UFSP2: variants seen among roughly 807,000 people sequenced by gnomAD.
The protein encoded by UFSP2 is UFM1 specific peptidase 2.
Under a neutral mutation model 60.2 loss-of-function variants are expected in UFSP2, and 43 were observed. The observed-to-expected ratio is 0.71, with a 90% confidence interval of 0.56 to 0.92. The LOEUF is 0.92. UFSP2 is among the 40% of genes least tolerant of loss of function. UFSP2 has a pLI of 0.00. For synonymous variants in UFSP2, 183 were observed against 195.1 expected, an observed-to-expected ratio of 0.94 and a Z score of 0.52; for missense variants, 520 against 575.0, an observed-to-expected ratio of 0.90 and a Z score of 0.98.
At chr4:185,414,622 T>C (rs1466407839) in intron 6 of UFSP2, among the ~76,000 whole-genome samples, 1 of 152,184 alleles carries the variant, frequency 6.6e-6, no homozygotes, top group East Asian at 1.9e-4. Flanking sequence ...CGAGTCCACA[T>C]ATCAAAAAGA....
chr4:185,405,704 A>G (rs2095519528), intron 10 of UFSP2, 76 bp downstream of exon 10: 8 of 1,477,556 alleles, frequency 5.4e-6, no homozygotes, highest in Non-Finnish European at 6.5e-6. Context: ...GATTTTATGC[A>G]ACATTAAATA....
chr4:185,418,047 A>AACACACAC lies in UFSP2; in HGVS notation c.333+386_333+393dup, dbSNP rs56260529. Among the ~76,000 whole-genome samples the AACACACAC allele has an allele frequency of 7.6e-4, 109 of 143,058 alleles. 3 individuals carry two copies. The highest frequency in any genetic ancestry group is 3.1e-3 in the Admixed American group (45 of 14,454). The allele number at this position is 143,058 out of a possible 152,430, so 93.9% of individuals were successfully genotyped here. A position where few individuals can be genotyped will look rare whatever the true frequency, so the allele number is the denominator to read the frequency against. On this transcript the variant is annotated intron_variant, in intron 4 of 11. Coordinates refer to ENST00000264689, the MANE Select transcript of UFSP2 (RefSeq NM_018359.5). ...TAAAAAGAGTGAAACTCCATCTCAA[A>AACACACAC]ACACACACACACACACACACAAACA...
Position 185,415,221 on chromosome 4 carries a change from T to G in UFSP2, c.618A>C (p.Lys206Asn), listed in dbSNP as rs200801769. Reference protein sequence around the residue: ...PEPLHFLLPGKKNLVTISYPS... With the variant: ...PEPLHFLLPGNKNLVTISYPS... The stretch of plus-strand genomic sequence containing the variant: ...GATATGAAATTGTTACAAGATTTTT[T>G]TTCCCTGGTAATAAAAAGTGCAGTG... Residue 206 changes from lysine (K) to asparagine (N), a missense_variant, in exon 6 of 12, where the codon AAA becomes AAC. Physicochemically the swap from Lys to Asn is moderately conservative, Grantham distance 94. Transcript: ENST00000264689. 29 of 1,608,574 alleles carry G rather than the reference T, an allele frequency of 1.8e-5. No homozygotes were observed. In the East Asian group the frequency reaches 6.3e-4, roughly 35 times the overall value.
Position 185,422,811 on chromosome 4 carries a change from C to T in UFSP2, c.4-248G>A, listed in dbSNP as rs193047330. ...GGAGCTTGAAATACTGAGGCCTGGG[C>T]TGTACCCCCAGAGATTCTGATTAAC... On this transcript the variant is annotated intron_variant, in intron 1 of 11. Transcript: ENST00000264689. Among the ~76,000 whole-genome samples the T allele has an allele frequency of 1.6e-3, 247 of 152,302 alleles. 1 individual carries two copies. Among genetic ancestry groups the T allele is most frequent in the African/African-American group, 5.6e-3 (231 of 41,556 alleles).
In UFSP2 at chr4:185,399,804, TC is replaced by T. The variant is rs776107957; in HGVS notation, c.*587del. 6.2e-7 allele frequency: 1 copy of T among 1,612,770 alleles called. No homozygotes were observed. The highest frequency in any genetic ancestry group is 1.3e-5 in the African/African-American group (1 of 75,000). On this transcript the variant is annotated 3_prime_UTR_variant, in exon 12 of 12. Transcript: ENST00000264689. ...TAACTCAGAGCTGCTGCTTTTTTCC[TC>T]CCGCAGTGATCTCTTGTTTGCATAG...
chr4:185,423,729 T>G (rs1251820275), intron 1 of UFSP2, among the ~76,000 whole-genome samples: 1 of 152,128 alleles, frequency 6.6e-6, no homozygotes, highest in Non-Finnish European at 1.5e-5. Context: ...GTTGATGATA[T>G]ATCACAAATG....
intron 2 of UFSP2, among the ~76,000 whole-genome samples, chr4:185,421,059 A>G (rs1379591286): frequency 6.6e-6 from 1 of 152,228 alleles, no homozygotes; most frequent in Non-Finnish European, 1.5e-5. Flanking sequence ...AGGCCTGAAA[A>G]TGAGTGATTT....
intron 1 of UFSP2, among the ~76,000 whole-genome samples, chr4:185,424,559 G>T (rs1202507448): frequency 6.6e-6 from 1 of 152,098 alleles, no homozygotes; most frequent in East Asian, 1.9e-4. Flanking sequence ...AGAAAGTTCA[G>T]GACAAATTTA....
chr4:185,425,544 G>C (rs1272584734), intron 1 of UFSP2, among the ~76,000 whole-genome samples: 1 of 152,232 alleles, frequency 6.6e-6, no homozygotes, highest in Non-Finnish European at 1.5e-5. Context: ...AATATCCGAA[G>C]AAAGTTGCGC....
At chr4:185,421,201 CTG>C (rs2095548738) in intron 2 of UFSP2, among the ~76,000 whole-genome samples, 1 of 152,166 alleles carries the variant, frequency 6.6e-6, no homozygotes, top group Non-Finnish European at 1.5e-5. Context: ...TGGACCAAAA[CTG>C]AGAACAATTT....
intron 4 of UFSP2, among the ~76,000 whole-genome samples, chr4:185,416,463 T>G (rs1237752584): frequency 1.3e-5 from 2 of 152,202 alleles, no homozygotes; most frequent in African/African-American, 4.8e-5. Flanking sequence ...TATGAACAAT[T>G]GTGAAATTTA....
rs978504310 is a variant in UFSP2 at position 185,413,832 on chromosome 4, T to C, written c.725A>G (p.Tyr242Cys). The C allele has an allele frequency of 1.2e-6, 2 of 1,613,232 alleles. No homozygotes were observed. Among genetic ancestry groups the C allele is most frequent in the Non-Finnish European group, 1.7e-6 (2 of 1,179,580 alleles). ...DLFNLPHDRP[Y>C]FKRSNAYHFP... The stretch of plus-strand genomic sequence containing the variant: ...GTGATAAGCATTAGACCTTTTGAAA[T>C]AGGGTCTGTCGTGAGGCAGATTGAA... The change falls in exon 7 of 12, where the codon TAT (tyrosine) becomes TGT (cysteine). Residue 242 changes from tyrosine to cysteine, a missense_variant. Transcript: ENST00000264689.
At chr4:185,401,135 A>G (rs540354524) in intron 11 of UFSP2, among the ~76,000 whole-genome samples, 2 of 152,344 alleles carry the variant, frequency 1.3e-5, no homozygotes, top group African/African-American at 2.4e-5. Flanking sequence ...TGATTCTTAA[A>G]TGCTTTGAGA....
rs775055425 is a variant in UFSP2, at chr4:185,418,292, C to T, written c.333+149G>A. On this transcript the variant is annotated intron_variant, in intron 4 of 11. Transcript: ENST00000264689. ...CAAAAACTTAGATAAGTAAGACAAA[C>T]ATATAACTTTTGGCAAGTCATTTAA... 6 of 585,758 alleles carry T rather than the reference C, an allele frequency of 1.0e-5. No individual in the cohort carries two copies. In the Admixed American group the frequency reaches 1.1e-4, roughly 10 times the overall value. The allele number at this position is 585,758 out of a possible 1,614,324, so 36.3% of individuals were successfully genotyped here.
intron 9 of UFSP2, 183 bp from the exon 10 acceptor site, chr4:185,406,039 A>C: frequency 7.6e-7 from 1 of 1,315,932 alleles, no homozygotes; most frequent in Non-Finnish European, 1.0e-6. Context: ...AAGCAACATA[A>C]ACTCAAAATA....
chr4:185,400,776 C>T (rs1315759138), intron 11 of UFSP2: 1 of 273,996 alleles, frequency 3.6e-6, no homozygotes, highest in Admixed American at 5.0e-5. Flanking sequence ...AGTTTTACCA[C>T]TTGCAACTGA....
At chr4:185,405,170 GTGT>G (rs961906359) in intron 10 of UFSP2, among the ~76,000 whole-genome samples, 1 of 150,288 alleles carries the variant, frequency 6.7e-6, no homozygotes, top group Non-Finnish European at 1.5e-5. Context: ...GCTAATTTGT[GTGT>G]TTTTTTTTTT....
At chr4:185,401,819 G>T (rs1023388364) in intron 11 of UFSP2, among the ~76,000 whole-genome samples, 4 of 152,192 alleles carry the variant, frequency 2.6e-5, no homozygotes, top group Non-Finnish European at 5.9e-5. Flanking sequence ...TACTCTAATT[G>T]TTCAGAAACC....
chr4:185,401,349 T>C (rs565136984), intron 11 of UFSP2, among the ~76,000 whole-genome samples: 1 of 152,358 alleles, frequency 6.6e-6, no homozygotes, highest in South Asian at 2.1e-4. Flanking sequence ...CTTTCTCTAT[T>C]AATTTAATGT....
Sources: allele counts gnomAD v4.1 joint callset (sites outside exome capture counted in the v4.1 genomes callset), GRCh38; gene constraint gnomAD v4.1.1; transcripts MANE v1.5; gene names NCBI Gene and HGNC (gene_info 2026-07-23, HGNC 2026-07-21).